The following SHANK2 variants were observed in gnomAD, a reference collection of about 807,000 sequenced individuals.
SHANK2 encodes the protein SH3 and multiple ankyrin repeat domains protein 2.
Under a neutral mutation model 133.7 loss-of-function variants are expected in SHANK2, and 43 were observed. That is an observed-to-expected ratio of 0.32 (90% confidence interval 0.25 to 0.41). SHANK2 has a LOEUF of 0.41. Among genes scored for constraint, SHANK2 ranks in the 10% least tolerant of loss-of-function variants. The probability of loss-of-function intolerance (pLI) is 1.00; values close to 1 mark genes in which losing one functional copy is unlikely to be tolerated. For synonymous variants in SHANK2, 1,017 were observed against 952.8 expected (o/e 1.07, Z -1.24); for missense variants, 1,994 against 2,235.8 (o/e 0.89, Z 2.18).
chr11:71,093,059 G>GA (rs1233458494), intron 7 of SHANK2, among the ~76,000 whole-genome samples: 1 of 143,078 alleles, frequency 7.0e-6, no homozygotes, highest in Non-Finnish European at 1.5e-5. Flanking sequence ...AAAGGGGGGG[G>GA]GGGGCAGGTA....
intron 17 of SHANK2, among the ~76,000 whole-genome samples, chr11:70,598,291 G>C (rs1037874390): frequency 3.3e-5 from 5 of 152,226 alleles, no homozygotes; most frequent in South Asian, 2.1e-4. Context: ...AATAGAGGAA[G>C]AGGCTGGAAA....
intron 11 of SHANK2, among the ~76,000 whole-genome samples, chr11:70,840,130 G>C (rs1948880829): frequency 6.6e-6 from 1 of 152,352 alleles, no homozygotes; most frequent in East Asian, 1.9e-4. Flanking sequence ...GAGGGGCTTT[G>C]AGGACTCAGG....
At chr11:70,508,059 C>T (rs2059157029) in intron 17 of SHANK2, among the ~76,000 whole-genome samples, 1 of 152,228 alleles carries the variant, frequency 6.6e-6, no homozygotes, top group Non-Finnish European at 1.5e-5. Flanking sequence ...GACAGTGTGC[C>T]ACAGGAACCT....
chr11:70,870,062 G>A (rs540384144), intron 11 of SHANK2, among the ~76,000 whole-genome samples: 4 of 152,270 alleles, frequency 2.6e-5, no homozygotes, highest in East Asian at 1.9e-4. Context: ...AGGTTGCGAC[G>A]AGGTAATACT....
chr11:71,185,189 T>C (rs1590998859), intron 2 of SHANK2, among the ~76,000 whole-genome samples: 3 of 152,240 alleles, frequency 2.0e-5, no homozygotes, highest in South Asian at 2.1e-4. Context: ...CACACTGTTA[T>C]GGTTGTTGAA....
intron 14 of SHANK2, among the ~76,000 whole-genome samples, chr11:70,796,963 A>G (rs139409726): frequency 2.0e-4 from 31 of 152,322 alleles, no homozygotes; most frequent in African/African-American, 7.5e-4. Context: ...GACAGAAAGG[A>G]AGGCGGCACA....
intron 17 of SHANK2, among the ~76,000 whole-genome samples, chr11:70,572,263 G>A (rs1416717388): frequency 6.6e-6 from 1 of 152,204 alleles, no homozygotes; most frequent in African/African-American, 2.4e-5. Context: ...AGGTTCAAGG[G>A]ATTCTCCTGC....
chr11:71,110,974 G>A (rs1951883641), intron 5 of SHANK2, among the ~76,000 whole-genome samples: 4 of 152,194 alleles, frequency 2.6e-5, no homozygotes, highest in South Asian at 2.1e-4. Flanking sequence ...GAGCTCCCTC[G>A]CCCCTTCCTC....
intron 10 of SHANK2, among the ~76,000 whole-genome samples, chr11:70,932,332 C>T (rs968368042): frequency 2.0e-5 from 3 of 152,324 alleles, no homozygotes; most frequent in Middle Eastern, 3.4e-3. Flanking sequence ...AAAGCAAGCC[C>T]TCATCTTAGA....
chr11:71,095,987 C>G (rs1555095318), intron 6 of SHANK2, among the ~76,000 whole-genome samples: 1 of 134,680 alleles, frequency 7.4e-6, no homozygotes, highest in Non-Finnish European at 1.7e-5. Flanking sequence ...TGCTTCCTGT[C>G]TTCCCCAACT....
At chr11:70,623,669 C>T (rs895697472) in intron 17 of SHANK2, among the ~76,000 whole-genome samples, 4 of 152,208 alleles carry the variant, frequency 2.6e-5, no homozygotes, top group Non-Finnish European at 5.9e-5. Flanking sequence ...CCCGCGGCTG[C>T]TTAAGTTTCA....
chr11:70,698,547 C>G, intron 15 of SHANK2, 141 bp downstream of exon 15: 1 of 670,456 alleles, frequency 1.5e-6, no homozygotes, highest in Non-Finnish European at 2.7e-6. Flanking sequence ...ATGGTGGCTT[C>G]CATAGTCCTA....
chr11:71,128,765 C>T (rs1555103189), intron 3 of SHANK2, among the ~76,000 whole-genome samples: 1 of 152,190 alleles, frequency 6.6e-6, no homozygotes, highest in African/African-American at 2.4e-5. Flanking sequence ...TCCTCCCTGC[C>T]CCAGCCCGAG....
intron 11 of SHANK2, among the ~76,000 whole-genome samples, chr11:70,866,083 C>T (rs1366806756): frequency 1.3e-5 from 2 of 152,180 alleles, no homozygotes; most frequent in African/African-American, 2.4e-5. Flanking sequence ...ACCAATTCCG[C>T]GCGCAGATGC....
intron 10 of SHANK2, among the ~76,000 whole-genome samples, chr11:70,905,527 T>C (rs1950089010): frequency 6.6e-6 from 1 of 152,152 alleles, no homozygotes; most frequent in Non-Finnish European, 1.5e-5. Context: ...TGTGTTGAAA[T>C]GGAAGCCCCA....
intron 15 of SHANK2, among the ~76,000 whole-genome samples, chr11:70,665,978 C>T (rs1944671759): frequency 6.6e-6 from 1 of 152,140 alleles, no homozygotes; most frequent in South Asian, 2.1e-4. Flanking sequence ...CCCCAAATGC[C>T]CACAGCACCC....
intron 11 of SHANK2, among the ~76,000 whole-genome samples, chr11:70,846,306 C>G (rs910295711): frequency 3.9e-5 from 6 of 152,126 alleles, no homozygotes; most frequent in Admixed American, 6.5e-5. Context: ...CTCGGTCGCT[C>G]AGGCTGATAT....
chr11:70,898,282 GCACA>G (rs71467421), intron 10 of SHANK2, among the ~76,000 whole-genome samples: 3,200 of 135,446 alleles, frequency 0.024, 109 homozygotes, highest in African/African-American at 0.085. Context: ...ATACACACAC[GCACA>G]CACACACACA....
Position 70,636,565 on chromosome 11 carries a change from ATG to A in SHANK2, c.2061+23261_2061+23262del, listed in dbSNP as rs10695663. On this transcript the variant is annotated intron_variant, in intron 17 of 25. Coordinates refer to ENST00000601538, the MANE Select transcript of SHANK2 (RefSeq NM_012309.5). Reference sequence around the variant, plus strand: ...TGTGAATGCGTGTTAGTACATGTGCATGTGTGTGTATGAATGTGAGTCTGTGT... The same window carrying A: ...TGTGAATGCGTGTTAGTACATGTGCATGTGTGTATGAATGTGAGTCTGTGT... Among the ~76,000 whole-genome samples, 43 of 147,176 alleles carry A rather than the reference ATG, an allele frequency of 2.9e-4. No individual in the cohort carries two copies. The South Asian group carries it at 3.7e-3, about 13-fold the overall frequency.
Sources: allele counts gnomAD v4.1 joint callset (sites outside exome capture counted in the v4.1 genomes callset), GRCh38; gene constraint gnomAD v4.1.1; transcripts MANE v1.5; gene names NCBI Gene and HGNC (gene_info 2026-07-23, HGNC 2026-07-21).